FAM20A: variants seen among roughly 807,000 people sequenced by gnomAD.
FAM20A encodes the protein pseudokinase FAM20A.
FAM20A carries 42 observed loss-of-function variants against 52.0 expected under a neutral mutation model. The ratio of observed to expected loss-of-function variants is 0.81; its 90% CI spans 0.63 to 1.04. The LOEUF is 1.04. Ranked by LOEUF, FAM20A falls within the 50% of genes least tolerant of loss-of-function variation. The pLI is 0.00. For missense variants in FAM20A, 742 were observed against 712.7 expected, an observed-to-expected ratio of 1.04 and a Z score of -0.47; for synonymous variants, 304 against 298.9, an observed-to-expected ratio of 1.02 and a Z score of -0.18.
intron 1 of FAM20A, chr17:68,590,320 C>T (rs1330010423): frequency 1.3e-5 from 2 of 152,154 alleles, no homozygotes; most frequent in Non-Finnish European, 2.9e-5. Context: ...ACAGACTCCC[C>T]CTCTTCCTTT....
chr17:68,551,968 G>A lies in FAM20A; in HGVS notation c.641-17C>T. The A allele has an allele frequency of 1.9e-6, 3 of 1,549,846 alleles. No individual in the cohort carries two copies. The highest frequency in any genetic ancestry group is 2.6e-6 in the Non-Finnish European group (3 of 1,136,756). ...GTTTCACAACTGTGAAAGGCAGAAG[G>A]GTGAGTTAACCATGCTTCCGGGCCT... On this transcript the variant is annotated splice_polypyrimidine_tract_variant and intron_variant, in intron 3 of 10. Transcript: ENST00000592554.
chr17:68,569,360 C>T (rs1233802333), intron 1 of FAM20A, among the ~76,000 whole-genome samples: 1 of 152,214 alleles, frequency 6.6e-6, no homozygotes, highest in Non-Finnish European at 1.5e-5. Flanking sequence ...TTCCAATAGC[C>T]TCCTAACTGG....
chr17:68,542,054 A>T lies in FAM20A; in HGVS notation c.1040T>A (p.Leu347His), dbSNP rs767988459. ...EGSLSAFLPS[L>H]NLAPRLSVPN... ...CACAGACAGCCTGGGGGCCAGGTTG[A>T]GGGACGGCAGGAAGGCAGAGAGGGA... The change falls in exon 7 of 11, where the codon CTC becomes CAC. Residue 347 changes from leucine to histidine, a missense_variant. Transcript: ENST00000592554. 2 of 1,614,112 alleles carry T rather than the reference A, an allele frequency of 1.2e-6. No homozygotes were observed. The highest frequency in any genetic ancestry group is 2.2e-5 in the South Asian group (2 of 91,088).
chr17:68,571,999 TA>T (rs1235540212), intron 1 of FAM20A, among the ~76,000 whole-genome samples: 2 of 34,384 alleles, frequency 5.8e-5, no homozygotes, highest in South Asian at 9.3e-4. Flanking sequence ...TATATATATA[TA>T]TATATATATA....
At chr17:68,542,216 T>G (rs1370622031) in intron 6 of FAM20A, 51 bp from the exon 7 acceptor site, 7 of 1,598,100 alleles carry the variant, frequency 4.4e-6, no homozygotes, top group Non-Finnish European at 6.0e-6. Context: ...TCTGGAGGCA[T>G]GACATCTTCC....
At chr17:68,567,694 T>C (rs1016878049) in intron 1 of FAM20A, among the ~76,000 whole-genome samples, 3 of 152,014 alleles carry the variant, frequency 2.0e-5, no homozygotes, top group Non-Finnish European at 4.4e-5. Context: ...GCCTTTGTAC[T>C]CTGATATGGT....
chr17:68,573,434 CTCTTTCTT>C lies in FAM20A; in HGVS notation c.405-17699_405-17692del, dbSNP rs201984571. 1.0e-2 allele frequency among the ~76,000 whole-genome samples: 1,351 copies of C among 135,736 alleles called. 22 individuals carry two copies. Among genetic ancestry groups the C allele is most frequent in the African/African-American group, 0.034 (1,288 of 37,436 alleles). The allele number at this position is 135,736 out of a possible 152,430, so 89.0% of individuals were successfully genotyped here. On this transcript the variant is annotated intron_variant, in intron 1 of 10. Coordinates refer to ENST00000592554, the MANE Select transcript of FAM20A (RefSeq NM_017565.4). ...TTCTCCCTTTCCCTTTCTTTCCTTT[CTCTTTCTT>C]TCTTTCTTTCTTTCTTCTTTCTTTC...
chr17:68,569,045 A>G (rs181658675), intron 1 of FAM20A, among the ~76,000 whole-genome samples: 1 of 150,020 alleles, frequency 6.7e-6, no homozygotes, highest in Non-Finnish European at 1.5e-5. Context: ...ACCTTGGTCC[A>G]TCATTAAACA....
In FAM20A at chr17:68,554,799, C is replaced by T. The variant is rs752882764; in HGVS notation, c.618G>A (p.Leu206=). ...TACTCTGGGTGCAGTCACATGCCCCCAGCAAGGCTTTCTCATCTTGACTGT... is the reference window on the plus strand; with the variant it reads ...TACTCTGGGTGCAGTCACATGCCCCTAGCAAGGCTTTCTCATCTTGACTGT... ...ADYSQDEKAL[L]GACDCTQIVK... The change falls in exon 3 of 11, where the codon CTG becomes CTA. Residue 206 remains leucine, a synonymous_variant. Transcript: ENST00000592554. The T allele has an allele frequency of 6.8e-6, 11 of 1,614,022 alleles. No homozygotes were observed. The highest frequency in any genetic ancestry group is 8.5e-6 in the Non-Finnish European group (10 of 1,180,028).
At chr17:68,539,814 C>T (rs2086209540) in intron 9 of FAM20A, 71 bp downstream of exon 9, 1 of 1,485,958 alleles carries the variant, frequency 6.7e-7, no homozygotes, top group South Asian at 1.2e-5. Flanking sequence ...GTCTGTTTCC[C>T]CCGAGCAGCT....
At chr17:68,591,374 C>T (rs933256056) in intron 1 of FAM20A, among the ~76,000 whole-genome samples, 14 of 152,196 alleles carry the variant, frequency 9.2e-5, no homozygotes, top group Non-Finnish European at 1.6e-4. Context: ...GTTGGGATTA[C>T]AGGCGTGAGC....
intron 1 of FAM20A, among the ~76,000 whole-genome samples, chr17:68,569,859 C>A (rs1017817934): frequency 6.6e-6 from 1 of 152,168 alleles, no homozygotes; most frequent in Non-Finnish European, 1.5e-5. Flanking sequence ...CAGCTCAGGC[C>A]TTCATTCCTT....
At position 68,581,418 on chromosome 17, in the gene FAM20A, T is replaced by TTTCTTTCTTTC. The variant is rs1386005874; in HGVS notation, c.404+18844_404+18845insGAAAGAAAGAA. On this transcript the variant is annotated intron_variant, in intron 1 of 10. Coordinates refer to ENST00000592554, the MANE Select transcript of FAM20A (RefSeq NM_017565.4). ...TCTTTCTTTCTTTCTTTCTTTCTTTTTCTCTTTTCTTTCTTTCTTTTCTTT... is the reference window on the plus strand; with the variant it reads ...TCTTTCTTTCTTTCTTTCTTTCTTTTTTCTTTCTTTCTCTCTTTTCTTTCTTTCTTTTCTTT... Among the ~76,000 whole-genome samples the TTTCTTTCTTTC allele has an allele frequency of 1.4e-3, 73 of 52,080 alleles. 2 individuals are homozygous for TTTCTTTCTTTC. The highest frequency in any genetic ancestry group is 4.3e-3 in the African/African-American group (53 of 12,432). 34.2% of individuals were successfully genotyped at this position (52,080 alleles called of 152,430 possible). A position where few individuals can be genotyped will look rare whatever the true frequency, so the allele number is the denominator to read the frequency against.
In FAM20A at chr17:68,542,090, A is replaced by C. The variant is rs1315186994; in HGVS notation, c.1004T>G (p.Leu335Arg). Residue 335 changes from leucine to arginine, a missense_variant, in exon 7 of 11, where the codon CTG becomes CGG. Physicochemically the swap from Leu to Arg is moderately radical, Grantham distance 102. Transcript: ENST00000592554. ...GAAGGCAGAGAGGGAACCCTCCAGC[A>C]GGTGTGGGTTGCCACAGACAGCATA... ...TEYAVCGNPHLLEGSLSAFLP... is the reference protein window; with the variant it reads ...TEYAVCGNPHRLEGSLSAFLP... 4.3e-6 allele frequency: 7 copies of C among 1,613,980 alleles called. No homozygotes were observed. The East Asian group carries it at 6.7e-5, about 15-fold the overall frequency.
At chr17:68,553,382 T>TA (rs1371608920) in intron 3 of FAM20A, among the ~76,000 whole-genome samples, 1 of 152,230 alleles carries the variant, frequency 6.6e-6, no homozygotes, top group African/African-American at 2.4e-5. Flanking sequence ...AAGAGCAGTG[T>TA]AAAAATGGAC....
At chr17:68,595,928 G>A (rs1449093220) in intron 1 of FAM20A, among the ~76,000 whole-genome samples, 2 of 152,282 alleles carry the variant, frequency 1.3e-5, no homozygotes, top group East Asian at 1.9e-4. Context: ...GCTCCTAGAC[G>A]AGGCAATTCT....
At chr17:68,574,975 G>A (rs951337423) in intron 1 of FAM20A, 1 of 152,140 alleles carries the variant, frequency 6.6e-6, no homozygotes, top group African/African-American at 2.4e-5. Context: ...GAGAAAAGAG[G>A]ATGAGGCAAT....
chr17:68,598,501 A>G (rs2143952458), intron 1 of FAM20A, among the ~76,000 whole-genome samples: 1 of 152,234 alleles, frequency 6.6e-6, no homozygotes, highest in East Asian at 1.9e-4. Flanking sequence ...CATTTGAGCA[A>G]CCACACAAAA....
At chr17:68,591,379 G>A (rs769897573) in intron 1 of FAM20A, among the ~76,000 whole-genome samples, 1 of 152,164 alleles carries the variant, frequency 6.6e-6, no homozygotes, top group Non-Finnish European at 1.5e-5. Flanking sequence ...GATTACAGGC[G>A]TGAGCCACCG....
Sources: gnomAD v4.1 joint callset for allele counts (sites outside exome capture counted in the v4.1 genomes callset) on GRCh38, gnomAD v4.1.1 for gene constraint, MANE v1.5 for transcripts, NCBI Gene and HGNC (gene_info 2026-07-23, HGNC 2026-07-21) for gene names.